The following PDE9A variants were observed in gnomAD, a reference collection of about 807,000 sequenced individuals.
The protein encoded by PDE9A is phosphodiesterase 9A.
Under a neutral mutation model 87.4 loss-of-function variants are expected in PDE9A, and 60 were observed. The ratio of observed to expected loss-of-function variants is 0.69; its 90% CI spans 0.56 to 0.85. The LOEUF is 0.85. PDE9A is among the 40% of genes least tolerant of loss of function. PDE9A has a pLI of 0.00. For synonymous variants in PDE9A, 272 were observed against 279.4 expected, an observed-to-expected ratio of 0.97 and a Z score of 0.27; for missense variants, 665 against 779.0, an observed-to-expected ratio of 0.85 and a Z score of 1.74.
At chr21:42,686,631 A>G (rs1052326363) in intron 2 of PDE9A, among the ~76,000 whole-genome samples, 5 of 152,002 alleles carry the variant, frequency 3.3e-5, no homozygotes, top group African/African-American at 1.2e-4. Context: ...CCTGGCCAAC[A>G]TGGTGAAATC....
At chr21:42,693,832 TCCG>T (rs2060002365) in intron 3 of PDE9A, among the ~76,000 whole-genome samples, 1 of 152,022 alleles carries the variant, frequency 6.6e-6, no homozygotes, top group Non-Finnish European at 1.5e-5. Context: ...CCTCAGGTGA[TCCG>T]CCCACCTCAG....
chr21:42,688,695 G>A (rs2059615051), intron 3 of PDE9A, among the ~76,000 whole-genome samples: 1 of 152,220 alleles, frequency 6.6e-6, no homozygotes, highest in Non-Finnish European at 1.5e-5. Context: ...GGCGGGGCGT[G>A]CGACCTCAGG....
intron 1 of PDE9A, among the ~76,000 whole-genome samples, chr21:42,685,651 A>G (rs1435693741): frequency 6.6e-6 from 1 of 150,998 alleles, no homozygotes; most frequent in East Asian, 1.9e-4. Flanking sequence ...TATTTTTAGT[A>G]GAGACGGGGT....
At chr21:42,774,078 CA>C (rs935218403) in intron 19 of PDE9A, among the ~76,000 whole-genome samples, 4 of 150,936 alleles carry the variant, frequency 2.7e-5, no homozygotes. Context: ...GACTCTGTCT[CA>C]AAAAAAATAT....
At position 42,730,685 on chromosome 21, in the gene PDE9A, T is replaced by C. The variant is rs114845292; in HGVS notation, c.263-1085T>C. On this transcript the variant is annotated intron_variant, in intron 4 of 19. Transcript: ENST00000291539. ...ACAGACATGAACATTTTTCAAAATA[T>C]TATTTCTAATAGCAAAATATCATTC... is the stretch of plus-strand genomic sequence containing the variant. Among the ~76,000 whole-genome samples the C allele has an allele frequency of 8.4e-3, 1,274 of 152,316 alleles. 27 individuals are homozygous for C. Among genetic ancestry groups the C allele is most frequent in the African/African-American group, 0.029 (1,225 of 41,556 alleles).
intron 13 of PDE9A, among the ~76,000 whole-genome samples, chr21:42,761,263 C>T (rs889158357): frequency 1.3e-5 from 2 of 152,270 alleles, no homozygotes; most frequent in African/African-American, 4.8e-5. Flanking sequence ...CCACACCCCC[C>T]TCTCAGGAGC....
chr21:42,667,660 C>T (rs144772596), intron 1 of PDE9A, among the ~76,000 whole-genome samples: 99 of 152,284 alleles, frequency 6.5e-4, no homozygotes, highest in Middle Eastern at 6.8e-3. Context: ...CGGATCACAA[C>T]AGGCCTCTTG....
intron 10 of PDE9A, chr21:42,757,516 A>C (rs149102192): frequency 3.1e-4 from 47 of 152,320 alleles, no homozygotes; most frequent in African/African-American, 1.1e-3. Context: ...TGCCATAACA[A>C]AGTACCAGAG....
At chr21:42,772,370 G>A in intron 18 of PDE9A, 69 bp from the exon 19 acceptor site, 1 of 1,027,262 alleles carries the variant, frequency 9.7e-7, no homozygotes. Context: ...AGAAGCTGCT[G>A]GGAGAGAGGC....
intron 14 of PDE9A, among the ~76,000 whole-genome samples, chr21:42,764,538 T>C (rs1452264385): frequency 2.0e-5 from 3 of 152,052 alleles, no homozygotes; most frequent in African/African-American, 7.2e-5. Flanking sequence ...CACTGAGCCA[T>C]GTCGGAGAGC....
At chr21:42,711,451 C>T (rs1281281932) in intron 4 of PDE9A, among the ~76,000 whole-genome samples, 1 of 151,954 alleles carries the variant, frequency 6.6e-6, no homozygotes, top group Non-Finnish European at 1.5e-5. Flanking sequence ...TGGGGTTTCA[C>T]CATGTTGGCC....
intron 18 of PDE9A, among the ~76,000 whole-genome samples, chr21:42,771,337 G>A (rs556325226): frequency 6.6e-6 from 1 of 152,314 alleles, no homozygotes; most frequent in African/African-American, 2.4e-5. Context: ...TCATTTTGGA[G>A]GAAGGGGTCC....
intron 7 of PDE9A, among the ~76,000 whole-genome samples, chr21:42,738,505 C>A (rs974741601): frequency 3.9e-5 from 6 of 152,066 alleles, no homozygotes; most frequent in African/African-American, 1.4e-4. Context: ...CTCTCCCCGA[C>A]CCCCAGCTCG....
intron 10 of PDE9A, 37 bp downstream of exon 10, chr21:42,754,101 G>A (rs532499095): frequency 2.8e-6 from 4 of 1,405,874 alleles, no homozygotes; most frequent in South Asian, 1.2e-5. Flanking sequence ...GTCCCAGGGG[G>A]AGGCAGCTCA....
At chr21:42,769,407 G>A (rs1003200279) in intron 17 of PDE9A, among the ~76,000 whole-genome samples, 3 of 92,156 alleles carry the variant, frequency 3.3e-5, no homozygotes, top group African/African-American at 5.9e-5. Flanking sequence ...GCACACACAC[G>A]GCACACACAG....
chr21:42,699,570 A>ATTTT lies in PDE9A; in HGVS notation c.262+559_262+560insTTTT, dbSNP rs1479669377. Among the ~76,000 whole-genome samples the ATTTT allele has an allele frequency of 7.1e-5, 6 of 85,010 alleles. No homozygotes were observed. The East Asian group carries it at 3.1e-3, about 44-fold the overall frequency. The allele number at this position is 85,010 out of a possible 152,430, so 55.8% of individuals were successfully genotyped here. A position where few individuals can be genotyped will look rare whatever the true frequency, so the allele number is the denominator to read the frequency against. ...TTTCTTTTTCTTTTTTTTTTTTTAA[A>ATTTT]AAAAAACGGAGTCTGGTCCTGTCAC... is the stretch of plus-strand genomic sequence containing the variant. On this transcript the variant is annotated intron_variant, in intron 4 of 19. Transcript: ENST00000291539.
intron 1 of PDE9A, among the ~76,000 whole-genome samples, chr21:42,684,770 A>G (rs1448961097): frequency 6.6e-6 from 1 of 152,202 alleles, no homozygotes; most frequent in Admixed American, 6.5e-5. Context: ...CACAGACGTC[A>G]GGAACCACGC....
In PDE9A at chr21:42,760,337, CACG is replaced by C; in HGVS notation, c.910_912del (p.Asp304del). 1 of 1,604,460 alleles carries C rather than the reference CACG, an allele frequency of 6.2e-7. No individual in the cohort carries two copies. The highest frequency in any genetic ancestry group is 1.1e-5 in the South Asian group (1 of 91,022). On this transcript the variant is annotated inframe_deletion, in exon 12 of 20. Coordinates refer to ENST00000291539, the MANE Select transcript of PDE9A (RefSeq NM_002606.3). This position sits in a 1 kb window ranked among gnomAD's most constrained non-coding sequence, Gnocchi z 5.2. ...CCCCTGCCTCCCGCAGTTCTGCGTC[CACG>C]ACAACTACAGAAACAACCCCTTCCA...
chr21:42,666,181 T>C (rs577582827), intron 1 of PDE9A, among the ~76,000 whole-genome samples: 1 of 151,906 alleles, frequency 6.6e-6, no homozygotes, highest in East Asian at 1.9e-4. Flanking sequence ...GGCGTGGTCA[T>C]CAAGAAAGGG....
Sources: gnomAD v4.1 joint callset for allele counts (sites outside exome capture counted in the v4.1 genomes callset) on GRCh38, gnomAD v4.1.1 for gene constraint, Gnocchi (gnomAD v3.1) non-coding constraint, MANE v1.5 for transcripts, NCBI Gene and HGNC (gene_info 2026-07-23, HGNC 2026-07-21) for gene names.